The following UBE4B variants were observed in gnomAD, a reference collection of about 807,000 sequenced individuals.
The protein encoded by UBE4B is ubiquitination factor E4B, also known as ubiquitin conjugation factor E4 B.
Under a neutral mutation model 148.1 loss-of-function variants are expected in UBE4B, and 27 were observed. That is an observed-to-expected ratio of 0.18 (90% CI 0.13 to 0.25). The LOEUF (loss-of-function observed/expected upper bound fraction) is 0.25. Among genes scored for constraint, UBE4B ranks in the 10% least tolerant of loss-of-function variants. UBE4B has a pLI of 1.00. For missense variants in UBE4B, 1,170 were observed against 1,662.4 expected (o/e 0.70, Z 5.15); for synonymous variants, 596 against 619.3 (o/e 0.96, Z 0.56).
intron 1 of UBE4B, among the ~76,000 whole-genome samples, chr1:10,055,084 C>T (rs1298125022): frequency 1.3e-5 from 2 of 152,086 alleles, no homozygotes; most frequent in Admixed American, 6.6e-5. Flanking sequence ...CCGCACCCGG[C>T]GTGTTTTTAC....
At chr1:10,048,696 T>A (rs1643966329) in intron 1 of UBE4B, among the ~76,000 whole-genome samples, 1 of 152,190 alleles carries the variant, frequency 6.6e-6, no homozygotes, top group South Asian at 2.1e-4. Flanking sequence ...GACTATGGGA[T>A]TTGGCGACAT....
rs1645975922 is a variant in UBE4B at position 10,151,573 on chromosome 1, G to A, written c.2926+12G>A. ...GAAGTTTTATACAGGTAGGTTGCTG[G>A]AACACAGTGTAGCACATGGCAGGCC... On this transcript the variant is annotated intron_variant, in intron 21 of 27. Transcript: ENST00000343090. 3.1e-6 allele frequency: 5 copies of A among 1,610,578 alleles called. No individual in the cohort carries two copies. Among genetic ancestry groups the A allele is most frequent in the Middle Eastern group, 1.7e-4 (1 of 6,056 alleles).
chr1:10,107,341 GTGA>G, intron 7 of UBE4B: 2 of 1,289,246 alleles, frequency 1.6e-6, no homozygotes, highest in Non-Finnish European at 2.0e-6. Flanking sequence ...GGTGGTGGTG[GTGA>G]TGATTTTTCT....
In UBE4B at chr1:10,168,285, G is replaced by A. The variant is rs372301197; in HGVS notation, c.3333+15G>A. 6.4e-5 allele frequency: 103 copies of A among 1,613,020 alleles called. No individual in the cohort carries two copies. The Admixed American group carries it at 8.9e-4, about 14-fold the overall frequency. On this transcript the variant is annotated intron_variant, in intron 24 of 27. Transcript: ENST00000343090. This position sits in a 1 kb window ranked among gnomAD's most constrained non-coding sequence, Gnocchi z 4.9. ...TCCTCAGACCGGTGAGTAGAAACCCGGGGCTCTGTTTGGTGGTTTGGACTC... is the reference window on the plus strand; with the variant it reads ...TCCTCAGACCGGTGAGTAGAAACCCAGGGCTCTGTTTGGTGGTTTGGACTC...
chr1:10,064,295 A>G (rs1024991461), intron 1 of UBE4B, among the ~76,000 whole-genome samples: 2 of 152,248 alleles, frequency 1.3e-5, no homozygotes, highest in African/African-American at 4.8e-5. Flanking sequence ...ACATGAATAT[A>G]CAGTTAGTGT....
chr1:10,063,918 A>G (rs1250931177), intron 1 of UBE4B, among the ~76,000 whole-genome samples: 1 of 152,088 alleles, frequency 6.6e-6, no homozygotes, highest in Non-Finnish European at 1.5e-5. Context: ...ATGAAAAAAA[A>G]AAAAAAGAAA....
At chr1:10,078,773 A>G (rs1276735266) in intron 2 of UBE4B, among the ~76,000 whole-genome samples, 2 of 152,096 alleles carry the variant, frequency 1.3e-5, no homozygotes, top group Non-Finnish European at 2.9e-5. Flanking sequence ...TATTAGGTCT[A>G]GTGGAATAGG....
At chr1:10,085,645 G>C (rs984317278) in intron 2 of UBE4B, among the ~76,000 whole-genome samples, 1 of 152,094 alleles carries the variant, frequency 6.6e-6, no homozygotes, top group African/African-American at 2.4e-5. Flanking sequence ...AACTGTAAAG[G>C]GTTATAGGTT....
intron 24 of UBE4B, among the ~76,000 whole-genome samples, chr1:10,169,961 G>A (rs1449600760): frequency 6.6e-6 from 1 of 152,152 alleles, no homozygotes; most frequent in Non-Finnish European, 1.5e-5. Flanking sequence ...GTCGCAGTGA[G>A]CCGAGATCAC....
chr1:10,173,495 TTATATA>T (rs1275354516), intron 25 of UBE4B, among the ~76,000 whole-genome samples: 1 of 141,866 alleles, frequency 7.0e-6, no homozygotes, highest in African/African-American at 2.7e-5. Context: ...AAAAAAAAAA[TTATATA>T]TATATATACA....
intron 22 of UBE4B, among the ~76,000 whole-genome samples, chr1:10,159,719 A>G (rs1646130732): frequency 6.6e-6 from 1 of 152,286 alleles, no homozygotes; most frequent in South Asian, 2.1e-4. Flanking sequence ...ATTTTATCCC[A>G]CCTACTTGGA....
chr1:10,172,686 G>A (rs1271729935), intron 25 of UBE4B, among the ~76,000 whole-genome samples: 1 of 152,064 alleles, frequency 6.6e-6, no homozygotes, highest in Non-Finnish European at 1.5e-5. Flanking sequence ...TACAATAGAA[G>A]CATTGTAGGT....
chr1:10,105,796 T>G, intron 6 of UBE4B, 52 bp downstream of exon 6: 5 of 1,528,970 alleles, frequency 3.3e-6, no homozygotes, highest in Non-Finnish European at 4.5e-6. Flanking sequence ...AACTGTGAAC[T>G]ACGTAGGAGA....
chr1:10,065,300 G>A (rs926814334), intron 1 of UBE4B, among the ~76,000 whole-genome samples: 2 of 152,148 alleles, frequency 1.3e-5, no homozygotes, highest in African/African-American at 4.8e-5. Flanking sequence ...AAAGATCCAG[G>A]TCAGGGAGCA....
chr1:10,151,080 G>A (rs1305958289), intron 20 of UBE4B, among the ~76,000 whole-genome samples: 4 of 146,334 alleles, frequency 2.7e-5, no homozygotes, highest in Non-Finnish European at 4.5e-5. Context: ...GGAGAATGGC[G>A]TGAACCTGGG....
rs1333974137 is a variant in UBE4B at position 10,037,142 on chromosome 1, G to A, written c.24+3448G>A. 3.3e-5 allele frequency among the ~76,000 whole-genome samples: 5 copies of A among 151,816 alleles called. No homozygotes were observed. The East Asian group carries it at 7.8e-4, about 24-fold the overall frequency. ...TCCCGGGTTCAAGCGATTTTCCTGCGTCAGCCTCCCAAGTAGCTGGAATTA... is the reference window on the plus strand; with the variant it reads ...TCCCGGGTTCAAGCGATTTTCCTGCATCAGCCTCCCAAGTAGCTGGAATTA... On this transcript the variant is annotated intron_variant, in intron 1 of 27. Transcript: ENST00000343090.
intron 26 of UBE4B, 155 bp from the exon 27 acceptor site, chr1:10,179,261 T>C (rs2102049309): frequency 4.4e-6 from 4 of 902,192 alleles, no homozygotes; most frequent in East Asian, 2.6e-5. Flanking sequence ...TATGCCTTTA[T>C]TGAAGGCTGA....
At chr1:10,175,054 C>T (rs1341680722) in intron 25 of UBE4B, among the ~76,000 whole-genome samples, 1 of 152,204 alleles carries the variant, frequency 6.6e-6, no homozygotes, top group East Asian at 1.9e-4. Context: ...TTCTCTCCCT[C>T]TATACCAAGA....
At chr1:10,163,609 A>G (rs1177747621) in intron 23 of UBE4B, among the ~76,000 whole-genome samples, 1 of 151,940 alleles carries the variant, frequency 6.6e-6, no homozygotes, top group Non-Finnish European at 1.5e-5. Flanking sequence ...CGGAGGTTGC[A>G]GTGAGCCAAG....
Sources: gnomAD v4.1 joint callset for allele counts (sites outside exome capture counted in the v4.1 genomes callset) on GRCh38, gnomAD v4.1.1 for gene constraint, Gnocchi (gnomAD v3.1) non-coding constraint, MANE v1.5 for transcripts, NCBI Gene and HGNC (gene_info 2026-07-23, HGNC 2026-07-21) for gene names.